Variants in ERBB4 observed in about 807,000 individuals in gnomAD.
ERBB4 encodes the protein receptor tyrosine-protein kinase erbB-4.
ERBB4 carries 42 observed loss-of-function variants against 158.0 expected under a neutral mutation model. The observed-to-expected ratio is 0.27, with a 90% confidence interval of 0.21 to 0.34. The LOEUF is 0.34. Among genes scored for constraint, ERBB4 ranks in the 10% least tolerant of loss-of-function variants. ERBB4 has a pLI of 1.00. For missense variants in ERBB4, 1,333 were observed against 1,624.1 expected (o/e 0.82, Z 3.08); for synonymous variants, 583 against 558.7 (o/e 1.04, Z -0.61).
At chr2:211,933,659 T>G (rs1451032792) in intron 3 of ERBB4, among the ~76,000 whole-genome samples, 1 of 152,030 alleles carries the variant, frequency 6.6e-6, no homozygotes, top group East Asian at 1.9e-4. Context: ...ATTTTTGGAA[T>G]AATATAGTTG....
chr2:212,054,035 C>A (rs1192092672), intron 2 of ERBB4, among the ~76,000 whole-genome samples: 1 of 152,056 alleles, frequency 6.6e-6, no homozygotes, highest in East Asian at 1.9e-4. Context: ...GAGGCCGTGG[C>A]GTCTACAGAA....
chr2:211,823,235 G>C (rs1456561698), intron 3 of ERBB4, among the ~76,000 whole-genome samples: 1 of 151,860 alleles, frequency 6.6e-6, no homozygotes, highest in African/African-American at 2.4e-5. Context: ...TGGGGCAATA[G>C]GTAAGTGAAA....
intron 1 of ERBB4, among the ~76,000 whole-genome samples, chr2:212,469,867 T>C (rs985501101): frequency 6.6e-6 from 1 of 152,156 alleles, no homozygotes; most frequent in African/African-American, 2.4e-5. Flanking sequence ...CCTATTCCTG[T>C]TTCTAAAATA....
At chr2:211,825,132 T>C (rs1051643118) in intron 3 of ERBB4, among the ~76,000 whole-genome samples, 1 of 151,938 alleles carries the variant, frequency 6.6e-6, no homozygotes, top group Non-Finnish European at 1.5e-5. Flanking sequence ...GACAGTCTAT[T>C]CTTTTATATC....
At chr2:212,538,417 G>T in intron 1 of ERBB4, 32 bp downstream of exon 1, 3 of 1,603,458 alleles carry the variant, frequency 1.9e-6, no homozygotes, top group Non-Finnish European at 2.6e-6. Flanking sequence ...GCGGCTGCAG[G>T]TTCGGCGACC....
intron 1 of ERBB4, among the ~76,000 whole-genome samples, chr2:212,149,051 A>T: frequency 7.0e-6 from 1 of 142,284 alleles, no homozygotes. Context: ...GCATTGGGAG[A>T]TATACCTAAT....
rs189797726 is a variant in ERBB4, at chr2:211,389,277, C to T, written c.3136-1285G>A. The stretch of plus-strand genomic sequence containing the variant: ...GTCTCAATCTCCTGACCTGGTGATC[C>T]GCCTGCCTCGGCCTCTCAAAGTGCT... On this transcript the variant is annotated intron_variant, in intron 25 of 27. Coordinates refer to ENST00000342788, the MANE Select transcript of ERBB4 (RefSeq NM_005235.3). Among the ~76,000 whole-genome samples the T allele has an allele frequency of 9.9e-3, 1,505 of 152,180 alleles. 26 individuals carry two copies. The highest frequency in any genetic ancestry group is 0.034 in the African/African-American group (1,405 of 41,526).
chr2:212,369,901 A>AC (rs2090027050), intron 1 of ERBB4, among the ~76,000 whole-genome samples: 1 of 152,248 alleles, frequency 6.6e-6, no homozygotes, highest in East Asian at 1.9e-4. Context: ...CTTTTGCTTC[A>AC]CGTCTTGTAA....
chr2:212,192,040 A>ATGT (rs1553589148), intron 1 of ERBB4, among the ~76,000 whole-genome samples: 2 of 10,822 alleles, frequency 1.8e-4, no homozygotes, highest in Non-Finnish European at 8.6e-4. Context: ...GTTATATGTT[A>ATGT]TATATATGTT....
intron 25 of ERBB4, among the ~76,000 whole-genome samples, chr2:211,402,247 A>G (rs1018787088): frequency 1.3e-5 from 2 of 152,172 alleles, no homozygotes; most frequent in Admixed American, 1.3e-4. Flanking sequence ...AACCGGTTAC[A>G]TTAGTATCCT....
At chr2:211,397,508 T>C (rs1005719385) in intron 25 of ERBB4, among the ~76,000 whole-genome samples, 1 of 152,140 alleles carries the variant, frequency 6.6e-6, no homozygotes, top group Non-Finnish European at 1.5e-5. Flanking sequence ...ATAGAGACGG[T>C]AAATGACTTT....
chr2:211,976,583 A>T (rs765176502), intron 2 of ERBB4, among the ~76,000 whole-genome samples: 18 of 152,166 alleles, frequency 1.2e-4, no homozygotes, highest in Admixed American at 4.6e-4. Flanking sequence ...AATCAAAATC[A>T]AATTAAAACA....
At chr2:211,562,633 A>C (rs980458889) in intron 19 of ERBB4, among the ~76,000 whole-genome samples, 2 of 152,234 alleles carry the variant, frequency 1.3e-5, no homozygotes, top group African/African-American at 4.8e-5. Flanking sequence ...TAAAATAATA[A>C]ACATTTTAAT....
chr2:211,533,112 A>G (rs548728186), intron 20 of ERBB4, among the ~76,000 whole-genome samples: 8 of 151,728 alleles, frequency 5.3e-5, no homozygotes, highest in Non-Finnish European at 1.2e-4. Flanking sequence ...TTCATTTTGT[A>G]TGTTACATGA....
chr2:211,688,152 A>C (rs537420887), intron 12 of ERBB4, among the ~76,000 whole-genome samples: 1 of 152,330 alleles, frequency 6.6e-6, no homozygotes, highest in East Asian at 1.9e-4. Context: ...TAAGATGAAA[A>C]TTTTATATAT....
intron 19 of ERBB4, among the ~76,000 whole-genome samples, chr2:211,589,802 T>A (rs1213493093): frequency 6.6e-6 from 1 of 152,186 alleles, no homozygotes; most frequent in Non-Finnish European, 1.5e-5. Flanking sequence ...TGGGTAACTA[T>A]GTTCAAAATG....
intron 1 of ERBB4, among the ~76,000 whole-genome samples, chr2:212,207,211 A>G (rs2082790868): frequency 6.6e-6 from 1 of 152,210 alleles, no homozygotes; most frequent in Admixed American, 6.5e-5. Context: ...TAAGGATAAA[A>G]GAGCTTCATT....
At chr2:211,585,794 T>C (rs1198188802) in intron 19 of ERBB4, among the ~76,000 whole-genome samples, 1 of 152,100 alleles carries the variant, frequency 6.6e-6, no homozygotes, top group Non-Finnish European at 1.5e-5. Context: ...CTATTCTCAA[T>C]GCTCAATAAA....
Position 212,255,927 on chromosome 2 carries a change from C to A in ERBB4, c.83-131024G>T, listed in dbSNP as rs572654714. On this transcript the variant is annotated intron_variant, in intron 1 of 27. Transcript: ENST00000342788. ...CCTCGAACTCCTAGGCTCAAGGGAT[C>A]CTCCCACCTCAGCCTCCTGAGTACC... Among the ~76,000 whole-genome samples, 9 of 151,910 alleles carry A rather than the reference C, an allele frequency of 5.9e-5. No individual in the cohort carries two copies. In the South Asian group the frequency reaches 1.9e-3, roughly 32 times the overall value.
Sources: allele counts gnomAD v4.1 joint callset (sites outside exome capture counted in the v4.1 genomes callset), GRCh38; gene constraint gnomAD v4.1.1; transcripts MANE v1.5; gene names NCBI Gene and HGNC (gene_info 2026-07-23, HGNC 2026-07-21).